Variants in MGAT5B observed in about 807,000 individuals in gnomAD.
MGAT5B encodes the protein alpha-1,6-mannosylglycoprotein 6-beta-N-acetylglucosaminyltransferase B, also known as N-acetylglucosaminyl-transferase Vb.
MGAT5B carries 54 observed loss-of-function variants against 95.1 expected under a neutral mutation model. The ratio of observed to expected loss-of-function variants is 0.57; its 90% CI spans 0.46 to 0.71. The LOEUF (loss-of-function observed/expected upper bound fraction) is 0.71. Ranked by LOEUF, MGAT5B falls within the 30% of genes least tolerant of loss-of-function variation. The pLI, the probability that MGAT5B is intolerant of heterozygous loss-of-function variation, is 0.00. For missense variants in MGAT5B, 935 were observed against 1,088.6 expected, an observed-to-expected ratio of 0.86 and a Z score of 1.99; for synonymous variants, 464 against 451.0, an observed-to-expected ratio of 1.03 and a Z score of -0.36.
chr17:76,948,123 C>A, intron 17 of MGAT5B, 37 bp downstream of exon 17: 1 of 1,467,650 alleles, frequency 6.8e-7, no homozygotes, highest in African/African-American at 1.4e-5. Context: ...CAGCCGCTAT[C>A]ATCGCTGGCC....
intron 10 of MGAT5B, among the ~76,000 whole-genome samples, chr17:76,928,432 C>T (rs1969382526): frequency 6.6e-6 from 1 of 152,018 alleles, no homozygotes; most frequent in African/African-American, 2.4e-5. Context: ...TCAAGCCAGG[C>T]GCGGTGGCTC....
intron 8 of MGAT5B, chr17:76,924,264 G>A (rs907106794): frequency 1.8e-4 from 28 of 152,554 alleles, no homozygotes; most frequent in African/African-American, 5.1e-4. Flanking sequence ...GGAGCTGGGG[G>A]CCTGGGGGGT....
chr17:76,936,372 C>T (rs889080618), intron 12 of MGAT5B, among the ~76,000 whole-genome samples: 2 of 152,216 alleles, frequency 1.3e-5, no homozygotes, highest in Non-Finnish European at 2.9e-5. Context: ...CGCACCACTG[C>T]ACTCCAGCCT....
chr17:76,882,081 C>T, intron 2 of MGAT5B, 70 bp from the exon 3 acceptor site: 1 of 1,514,670 alleles, frequency 6.6e-7, no homozygotes, highest in Non-Finnish European at 8.9e-7. Context: ...CTGAGCTGCC[C>T]CAGCTCGGAC....
chr17:76,941,284 G>A (rs1969856222), intron 15 of MGAT5B, among the ~76,000 whole-genome samples: 1 of 152,270 alleles, frequency 6.6e-6, no homozygotes, highest in African/African-American at 2.4e-5. Context: ...TTAATGCGGG[G>A]CAACGCTTCG....
chr17:76,923,726 G>A (rs191055884), intron 8 of MGAT5B: 1 of 152,386 alleles, frequency 6.6e-6, no homozygotes, highest in East Asian at 1.9e-4. Flanking sequence ...CATCCCACGT[G>A]TCTCTGAGTT....
chr17:76,939,854 G>T (rs1969807017), intron 13 of MGAT5B, among the ~76,000 whole-genome samples: 1 of 89,682 alleles, frequency 1.1e-5, no homozygotes, highest in South Asian at 3.1e-4. Flanking sequence ...ACATGATTTT[G>T]TTTTTTTTTA....
intron 9 of MGAT5B, among the ~76,000 whole-genome samples, chr17:76,926,141 C>G (rs1224728048): frequency 6.6e-6 from 1 of 152,168 alleles, no homozygotes; most frequent in Non-Finnish European, 1.5e-5. Flanking sequence ...GGGACCCTGC[C>G]TTTTGCATCC....
At chr17:76,882,069 G>A (rs1967440626) in intron 2 of MGAT5B, 82 bp from the exon 3 acceptor site, 1 of 1,480,662 alleles carries the variant, frequency 6.8e-7, no homozygotes, top group Non-Finnish European at 9.1e-7. Flanking sequence ...GGCCAGCTTT[G>A]TCTGAGCTGC....
Position 76,882,704 on chromosome 17 carries a change from CCTTTT to C in MGAT5B, c.329+407_329+411del, listed in dbSNP as rs1442948628. Among the ~76,000 whole-genome samples, 157 of 137,582 alleles carry C rather than the reference CCTTTT, an allele frequency of 1.1e-3. 4 individuals carry two copies. The highest frequency in any genetic ancestry group is 2.5e-3 in the Admixed American group (34 of 13,334). The allele number at this position is 137,582 out of a possible 152,430, so 90.3% of individuals were successfully genotyped here. A position where few individuals can be genotyped will look rare whatever the true frequency, so the allele number is the denominator to read the frequency against. ...ATCTCACAGCACATATTCCACTGCC[CCTTTT>C]TTTTTTTTTTTTTTTTTTTGACACA... On this transcript the variant is annotated intron_variant, in intron 3 of 17. Coordinates refer to ENST00000569840, the MANE Select transcript of MGAT5B (RefSeq NM_001199172.2).
At chr17:76,878,924 G>C (rs900431125) in intron 2 of MGAT5B, among the ~76,000 whole-genome samples, 3 of 152,208 alleles carry the variant, frequency 2.0e-5, no homozygotes, top group African/African-American at 7.2e-5. Context: ...AGGGTAAATT[G>C]AGGCCAAGAG....
At chr17:76,877,191 T>A (rs1288760680) in intron 2 of MGAT5B, among the ~76,000 whole-genome samples, 1 of 151,896 alleles carries the variant, frequency 6.6e-6, no homozygotes, top group African/African-American at 2.4e-5. Context: ...CAGGGTGTGG[T>A]GGCACGTGCT....
chr17:76,904,187 C>CG, intron 5 of MGAT5B, 65 bp from the exon 6 acceptor site: 1 of 1,495,896 alleles, frequency 6.7e-7, no homozygotes, highest in Non-Finnish European at 9.0e-7. Context: ...GGTGCACGTG[C>CG]GGGGGAGTCC....
chr17:76,936,865 C>T (rs545639064), intron 12 of MGAT5B, among the ~76,000 whole-genome samples: 8 of 152,260 alleles, frequency 5.3e-5, no homozygotes, highest in Admixed American at 3.9e-4. Flanking sequence ...GTCTTGACAT[C>T]GGTAATATAA....
In MGAT5B at chr17:76,912,070, C is replaced by G. The variant is rs75588375; in HGVS notation, c.1025+5883C>G. 6.6e-6 allele frequency among the ~76,000 whole-genome samples: 1 copy of G among 152,238 alleles called. No individual in the cohort carries two copies. The highest frequency in any genetic ancestry group is 1.5e-5 in the Non-Finnish European group (1 of 68,000). The stretch of plus-strand genomic sequence containing the variant: ...CTTTGCCTGGTGGCCTCCCTGTGAG[C>G]GTGTCTGTGTCCAGATTTCCCCTCC... On this transcript the variant is annotated intron_variant, in intron 8 of 17. Transcript: ENST00000569840. The surrounding 1 kb of genome is among the most constrained non-coding windows in gnomAD (Gnocchi z 5.0).
At chr17:76,946,301 C>G in intron 15 of MGAT5B, 75 bp from the exon 16 acceptor site, 1 of 1,313,098 alleles carries the variant, frequency 7.6e-7, no homozygotes, top group Non-Finnish European at 1.1e-6. Context: ...ACCTCCACCC[C>G]CAATGCCGAG....
intron 5 of MGAT5B, 121 bp downstream of exon 5, chr17:76,903,497 G>T: frequency 1.6e-6 from 1 of 617,082 alleles, no homozygotes. Context: ...TCTCTGCTCA[G>T]TGCATCCACC....
At chr17:76,934,726 G>T (rs1038076173) in intron 12 of MGAT5B, among the ~76,000 whole-genome samples, 2 of 152,200 alleles carry the variant, frequency 1.3e-5, no homozygotes, top group Non-Finnish European at 2.9e-5. Flanking sequence ...TATCTCTAGC[G>T]CTGGAACTTC....
chr17:76,946,651 A>T (rs1006485717), intron 16 of MGAT5B, among the ~76,000 whole-genome samples: 1 of 152,150 alleles, frequency 6.6e-6, no homozygotes, highest in Non-Finnish European at 1.5e-5. Flanking sequence ...AAAGCAGCAC[A>T]CTCCGGGCAC....
Sources: allele counts gnomAD v4.1 joint callset (sites outside exome capture counted in the v4.1 genomes callset), GRCh38; gene constraint gnomAD v4.1.1; non-coding constraint Gnocchi (gnomAD v3.1); transcripts MANE v1.5; gene names NCBI Gene and HGNC (gene_info 2026-07-23, HGNC 2026-07-21).